The following RORA variants were observed in gnomAD, a reference collection of about 807,000 sequenced individuals.
RORA encodes RAR related orphan receptor A.
Under a neutral mutation model 69.5 loss-of-function variants are expected in RORA, and 7 were observed. The ratio of observed to expected loss-of-function variants is 0.10; its 90% CI spans 0.06 to 0.19. RORA has a LOEUF of 0.19. Ranked by LOEUF, RORA falls within the 10% of genes least tolerant of loss-of-function variation. RORA has a pLI of 1.00. For missense variants in RORA, 457 were observed against 663.0 expected (o/e 0.69, Z 3.41); for synonymous variants, 261 against 240.8 (o/e 1.08, Z -0.78).
intron 1 of RORA, among the ~76,000 whole-genome samples, chr15:60,720,014 G>A (rs1372848475): frequency 2.6e-5 from 4 of 152,154 alleles, no homozygotes; most frequent in Admixed American, 2.6e-4. Flanking sequence ...CCACCTCCCA[G>A]CCTTTATTGT....
At position 60,978,961 on chromosome 15, in the gene RORA, C is replaced by CTTTTTTT. The variant is rs543353825; in HGVS notation, c.166+250085_166+250091dup. On this transcript the variant is annotated intron_variant, in intron 1 of 10. Transcript: ENST00000335670. ...GAAGTGTGAGTCCTCCAACTTTGCT[C>CTTTTTTT]TTTTTTTTTTTTTTTTTTGAGACGG... Among the ~76,000 whole-genome samples the CTTTTTTT allele has an allele frequency of 2.1e-3, 201 of 95,116 alleles. 12 individuals carry two copies. Among genetic ancestry groups the CTTTTTTT allele is most frequent in the Non-Finnish European group, 2.6e-3 (134 of 51,408 alleles). The allele number at this position is 95,116 out of a possible 152,430, so 62.4% of individuals were successfully genotyped here.
At chr15:60,810,880 G>A (rs1567198930) in intron 1 of RORA, among the ~76,000 whole-genome samples, 1 of 152,166 alleles carries the variant, frequency 6.6e-6, no homozygotes, top group Non-Finnish European at 1.5e-5. Flanking sequence ...CTGGGTACAC[G>A]AAAGGGGTTC....
At chr15:61,036,795 C>T (rs72754765) in intron 1 of RORA, among the ~76,000 whole-genome samples, 1,556 of 133,060 alleles carry the variant, frequency 0.012, 19 homozygotes, top group Non-Finnish European at 0.016. Context: ...GTATTGGACT[C>T]GCTTGCCTCC....
At chr15:60,961,614 T>C (rs1412372011) in intron 1 of RORA, among the ~76,000 whole-genome samples, 1 of 152,198 alleles carries the variant, frequency 6.6e-6, no homozygotes, top group Non-Finnish European at 1.5e-5. Flanking sequence ...TTGAAAGACT[T>C]TCCCGGCTCT....
rs117333910 is a variant in RORA at position 60,877,265 on chromosome 15, T to A, written c.167-198579A>T. ...CACAAGGACCTCTTAAGACCTAAGG[T>A]AGTATTACTGAACAATGAGAGCCTG... On this transcript the variant is annotated intron_variant, in intron 1 of 10. Transcript: ENST00000335670. Among the ~76,000 whole-genome samples, 269 of 152,310 alleles carry A rather than the reference T, an allele frequency of 1.8e-3. 8 individuals are homozygous for A. The East Asian group carries it at 0.047, about 27-fold the overall frequency.
chr15:60,755,978 A>G (rs2071796789), intron 1 of RORA, among the ~76,000 whole-genome samples: 3 of 152,174 alleles, frequency 2.0e-5, no homozygotes, highest in African/African-American at 7.2e-5. Context: ...GTCCTGGTAC[A>G]GGGGATGTAG....
chr15:60,622,360 C>T (rs2069435292), intron 2 of RORA, among the ~76,000 whole-genome samples: 1 of 152,146 alleles, frequency 6.6e-6, no homozygotes, highest in Admixed American at 6.5e-5. Flanking sequence ...CACCTGTAAT[C>T]CCAGCACTTT....
chr15:60,830,090 G>A (rs2073022109), intron 1 of RORA, among the ~76,000 whole-genome samples: 1 of 152,072 alleles, frequency 6.6e-6, no homozygotes, highest in Non-Finnish European at 1.5e-5. Context: ...CATTTGTCTT[G>A]GATTTTTGTA....
At chr15:60,755,563 G>A (rs1359804635) in intron 1 of RORA, among the ~76,000 whole-genome samples, 1 of 152,102 alleles carries the variant, frequency 6.6e-6, no homozygotes, top group African/African-American at 2.4e-5. Flanking sequence ...TCGCCACACC[G>A]ACTTTCACAA....
chr15:60,767,464 T>C (rs1321418461), intron 1 of RORA, among the ~76,000 whole-genome samples: 1 of 152,210 alleles, frequency 6.6e-6, no homozygotes, highest in Non-Finnish European at 1.5e-5. Context: ...TTTAAGTACC[T>C]TGCCCTATTT....
chr15:60,637,186 T>G (rs1449668332), intron 2 of RORA, among the ~76,000 whole-genome samples: 2 of 152,142 alleles, frequency 1.3e-5, no homozygotes, highest in African/African-American at 4.8e-5. Flanking sequence ...ATTCACAGTA[T>G]ATTAATGTCT....
chr15:61,170,597 C>T (rs1374809648), intron 1 of RORA, among the ~76,000 whole-genome samples: 3 of 152,214 alleles, frequency 2.0e-5, no homozygotes, highest in African/African-American at 2.4e-5. Flanking sequence ...ATGGACTTCG[C>T]TATTTTGCCT....
chr15:60,805,765 G>A (rs2072651718), intron 1 of RORA, among the ~76,000 whole-genome samples: 1 of 152,154 alleles, frequency 6.6e-6, no homozygotes, highest in Non-Finnish European at 1.5e-5. Flanking sequence ...TTTTGCCACT[G>A]GCCAGATGAG....
intron 1 of RORA, among the ~76,000 whole-genome samples, chr15:61,002,354 A>G (rs1416666485): frequency 2.0e-5 from 3 of 152,222 alleles, no homozygotes; most frequent in Admixed American, 2.0e-4. Flanking sequence ...TAGGAAGGCA[A>G]AAACCACATC....
intron 1 of RORA, among the ~76,000 whole-genome samples, chr15:60,984,821 T>C (rs1263566155): frequency 7.0e-6 from 1 of 143,076 alleles, no homozygotes; most frequent in Non-Finnish European, 1.5e-5. Context: ...TTTTTTCCTG[T>C]TTCATTCTTC....
At chr15:60,802,831 A>G (rs1364427957) in intron 1 of RORA, among the ~76,000 whole-genome samples, 1 of 152,206 alleles carries the variant, frequency 6.6e-6, no homozygotes, top group African/African-American at 2.4e-5. Flanking sequence ...ACACTGAGAG[A>G]AGACCTAAGA....
intron 3 of RORA, chr15:60,529,004 CAGAA>C (rs2066449605): frequency 6.6e-6 from 1 of 152,176 alleles, no homozygotes; most frequent in Admixed American, 6.5e-5. Context: ...CCAGAAATGA[CAGAA>C]AGAGCTACTA....
chr15:60,909,846 G>A (rs950473471), intron 1 of RORA, among the ~76,000 whole-genome samples: 1 of 152,218 alleles, frequency 6.6e-6, no homozygotes, highest in Admixed American at 6.5e-5. Flanking sequence ...TTACAAGGTG[G>A]TCTGGAATGT....
chr15:60,751,310 A>G (rs775040890), intron 1 of RORA, among the ~76,000 whole-genome samples: 43 of 152,306 alleles, frequency 2.8e-4, no homozygotes, highest in Middle Eastern at 3.4e-3. Context: ...TTGCGTGAAG[A>G]TCAGTGGTGG....
Sources: allele counts gnomAD v4.1 joint callset (sites outside exome capture counted in the v4.1 genomes callset), GRCh38; gene constraint gnomAD v4.1.1; transcripts MANE v1.5; gene names NCBI Gene and HGNC (gene_info 2026-07-23, HGNC 2026-07-21).